The following CIB3 variants were observed in gnomAD, a reference collection of about 807,000 sequenced individuals.
CIB3 encodes calcium and integrin binding family member 3, also known as calcium and integrin-binding family member 3.
A neutral mutation model predicts 23.4 loss-of-function variants in CIB3; 22 were observed. That is an observed-to-expected ratio of 0.94 (90% CI 0.67 to 1.34). The LOEUF (loss-of-function observed/expected upper bound fraction) is 1.34. CIB3 is among the 40% of genes most tolerant of loss of function. The pLI, the probability that CIB3 is intolerant of heterozygous loss-of-function variation, is 0.00. For synonymous variants in CIB3, 93 were observed against 95.8 expected, an observed-to-expected ratio of 0.97 and a Z score of 0.17; for missense variants, 258 against 247.3, an observed-to-expected ratio of 1.04 and a Z score of -0.29.
At chr19:16,163,012 C>A (rs1478735709) in intron 5 of CIB3, among the ~76,000 whole-genome samples, 1 of 151,050 alleles carries the variant, frequency 6.6e-6, no homozygotes, top group Non-Finnish European at 1.5e-5. Context: ...GCCTCAGCCT[C>A]CCGAGTAGCT....
At position 16,169,717 on chromosome 19, in the gene CIB3, C is replaced by G. The variant is rs1207114174; in HGVS notation, c.111G>C (p.Leu37=). 2.5e-6 allele frequency: 4 copies of G among 1,612,144 alleles called. No homozygotes were observed. Among genetic ancestry groups the G allele is most frequent in the African/African-American group, 1.3e-5 (1 of 74,876 alleles). ...AGTCGAGGGGCACGAGCTGTGGGGC[C>G]AGGTCCTGGTAGCGATAGAAGAGCC... ...IMRLFYRYQD[L]APQLVPLDYT... The change falls in exon 3 of 6, where the codon CTG becomes CTC. Residue 37 remains leucine (L), a synonymous_variant. Transcript: ENST00000269878.
At chr19:16,165,607 C>T (rs937059812) in intron 4 of CIB3, among the ~76,000 whole-genome samples, 1 of 151,962 alleles carries the variant, frequency 6.6e-6, no homozygotes, top group Non-Finnish European at 1.5e-5. Context: ...CCATGCCCGG[C>T]TAATTTTTGT....
chr19:16,162,871 TTTTTC>T (rs1222151696), intron 5 of CIB3, among the ~76,000 whole-genome samples: 8 of 122,092 alleles, frequency 6.6e-5, no homozygotes, highest in African/African-American at 1.9e-4. Flanking sequence ...TTTTATTTCT[TTTTTC>T]TTTTCTTTTC....
intron 5 of CIB3, 77 bp from the exon 6 acceptor site, chr19:16,161,563 A>G: frequency 2.0e-6 from 3 of 1,510,856 alleles, no homozygotes; most frequent in Non-Finnish European, 2.7e-6. Context: ...CAACACGCTC[A>G]CGGCAAGTCC....
chr19:16,172,965 AGAAG>A (rs71886034), intron 2 of CIB3, among the ~76,000 whole-genome samples, 193 bp downstream of exon 2: 74,371 of 135,428 alleles, frequency 0.55, 23,381 homozygotes, highest in Non-Finnish European at 0.69. Flanking sequence ...AAAAAAGAAA[AGAAG>A]GAAGGAAGGA....
intron 4 of CIB3, 109 bp downstream of exon 4, chr19:16,168,028 A>G (rs1426896421): frequency 7.1e-7 from 1 of 1,404,028 alleles, no homozygotes; most frequent in Non-Finnish European, 9.7e-7. Flanking sequence ...ACAGGGCCAC[A>G]TAGGGCCTCA....
chr19:16,164,863 T>C lies in CIB3; in HGVS notation c.397A>G (p.Thr133Ala). 1 of 1,614,080 alleles carries C rather than the reference T, an allele frequency of 6.2e-7. No individual in the cohort carries two copies. Among genetic ancestry groups the C allele is most frequent in the Non-Finnish European group, 8.5e-7 (1 of 1,180,018 alleles). Reference protein sequence around the residue: ...ICAWDLEQTVTKLTRGGLSAE... With the variant: ...ICAWDLEQTVAKLTRGGLSAE... ...CTCAGCCCCCCCCGCGTCAGTTTGG[T>C]CACCGTCTGCTCCAGGTCCCACGCA... The change falls in exon 5 of 6, where the codon ACC becomes GCC. Residue 133 changes from threonine to alanine, a missense_variant. Coordinates refer to ENST00000269878, the MANE Select transcript of CIB3 (RefSeq NM_054113.4).
chr19:16,170,456 T>C (rs983061411), intron 2 of CIB3, among the ~76,000 whole-genome samples: 5 of 152,198 alleles, frequency 3.3e-5, no homozygotes, highest in Non-Finnish European at 5.9e-5. Flanking sequence ...CTCTGGATAT[T>C]GTCATGTTAT....
intron 5 of CIB3, among the ~76,000 whole-genome samples, chr19:16,162,757 AAAAAT>A: frequency 6.6e-6 from 1 of 152,118 alleles, no homozygotes; most frequent in East Asian, 1.9e-4. Context: ...TCCATCTCAA[AAAAAT>A]AAAATAAAAT....
chr19:16,162,678 C>T (rs1599433400), intron 5 of CIB3, among the ~76,000 whole-genome samples: 2 of 151,896 alleles, frequency 1.3e-5, no homozygotes, highest in Admixed American at 1.3e-4. Flanking sequence ...GTGCTTGAAC[C>T]TGCGAGGTGG....
chr19:16,165,604 C>G (rs531156300), intron 4 of CIB3, among the ~76,000 whole-genome samples: 1 of 152,026 alleles, frequency 6.6e-6, no homozygotes, highest in Non-Finnish European at 1.5e-5. Context: ...CCACCATGCC[C>G]GGCTAATTTT....
intron 4 of CIB3, among the ~76,000 whole-genome samples, chr19:16,167,061 C>T (rs2091308750): frequency 6.6e-6 from 1 of 152,024 alleles, no homozygotes. Context: ...ACTAAAAATA[C>T]AAAAAATTAG....
intron 2 of CIB3, among the ~76,000 whole-genome samples, chr19:16,170,182 G>A (rs1389486832): frequency 6.6e-6 from 1 of 152,104 alleles, no homozygotes; most frequent in Non-Finnish European, 1.5e-5. Context: ...CCTGGGCCTG[G>A]ACCTCAAGCA....
chr19:16,164,561 T>G (rs1232437234), intron 5 of CIB3, among the ~76,000 whole-genome samples, 157 bp downstream of exon 5: 1 of 152,156 alleles, frequency 6.6e-6, no homozygotes, highest in African/African-American at 2.4e-5. Flanking sequence ...ATCCCCATTT[T>G]ACAGATGCAG....
intron 4 of CIB3, among the ~76,000 whole-genome samples, chr19:16,165,451 T>C (rs1229516070): frequency 1.3e-5 from 2 of 152,060 alleles, no homozygotes; most frequent in African/African-American, 2.4e-5. Context: ...TCGTTCTTTT[T>C]TTTTTTCTTT....
At chr19:16,161,704 G>T (rs1171888223) in intron 5 of CIB3, among the ~76,000 whole-genome samples, 2 of 145,208 alleles carry the variant, frequency 1.4e-5, no homozygotes, top group Non-Finnish European at 3.0e-5. Context: ...TTGAGATGGG[G>T]TCTTGCTCTG....
At chr19:16,169,926 A>C (rs1162881401) in intron 2 of CIB3, among the ~76,000 whole-genome samples, 185 bp from the exon 3 acceptor site, 1 of 152,156 alleles carries the variant, frequency 6.6e-6, no homozygotes, top group Non-Finnish European at 1.5e-5. Flanking sequence ...CAGCCTCCCA[A>C]GTAGCTGGGA....
chr19:16,164,569 C>T (rs2091297510), intron 5 of CIB3, 149 bp downstream of exon 5: 3 of 744,494 alleles, frequency 4.0e-6, no homozygotes, highest in Non-Finnish European at 6.5e-6. Flanking sequence ...TTTACAGATG[C>T]AGGGACTGAG....
At chr19:16,170,541 C>T (rs1268395273) in intron 2 of CIB3, among the ~76,000 whole-genome samples, 1 of 152,336 alleles carries the variant, frequency 6.6e-6, no homozygotes, top group East Asian at 1.9e-4. Flanking sequence ...GAGGAAGAGG[C>T]CGGATGCAGC....
Sources: gnomAD v4.1 joint callset for allele counts (sites outside exome capture counted in the v4.1 genomes callset) on GRCh38, gnomAD v4.1.1 for gene constraint, MANE v1.5 for transcripts, NCBI Gene and HGNC (gene_info 2026-07-23, HGNC 2026-07-21) for gene names.